EGFR: variants seen among roughly 807,000 people sequenced by gnomAD.
EGFR encodes the protein avian erythroblastic leukemia viral (v-erb-b) oncogene homolog.
A neutral mutation model predicts 143.0 loss-of-function variants in EGFR; 58 were observed. The ratio of observed to expected loss-of-function variants is 0.41; its 90% confidence interval spans 0.33 to 0.50. EGFR has a LOEUF of 0.50. Ranked by LOEUF, EGFR falls within the 20% of genes least tolerant of loss-of-function variation. The probability of loss-of-function intolerance (pLI) is 0.39; values close to 1 mark genes in which losing one functional copy is unlikely to be tolerated. For missense variants in EGFR, 1,307 were observed against 1,579.0 expected (o/e 0.83, Z 2.92); for synonymous variants, 613 against 594.4 (o/e 1.03, Z -0.45).
intron 1 of EGFR, among the ~76,000 whole-genome samples, chr7:55,061,528 G>T (rs913886488): frequency 6.6e-6 from 1 of 151,642 alleles, no homozygotes; most frequent in East Asian, 1.9e-4. Flanking sequence ...GCATTTCTTT[G>T]CTCTGATTAA....
intron 1 of EGFR, among the ~76,000 whole-genome samples, chr7:55,119,995 C>T (rs1793100805): frequency 6.6e-6 from 1 of 152,220 alleles, no homozygotes; most frequent in Non-Finnish European, 1.5e-5. Flanking sequence ...CTCATGAGTT[C>T]CTGACATACA....
rs547907277 is a variant in EGFR, at chr7:55,194,319, C to T, written c.2701+1478C>T. Among the ~76,000 whole-genome samples the T allele has an allele frequency of 2.6e-5, 4 of 151,574 alleles. No homozygotes were observed. In the South Asian group the frequency reaches 6.3e-4, roughly 24 times the overall value. On this transcript the variant is annotated intron_variant, in intron 22 of 27. Coordinates refer to ENST00000275493, the MANE Select transcript of EGFR (RefSeq NM_005228.5). ...TCGGCTCACTGCAACCTCCACCTCC[C>T]GGGTTCAAGTGATTCTCCTGCCTCA...
At chr7:55,138,431 A>G (rs1474007738) in intron 1 of EGFR, among the ~76,000 whole-genome samples, 1 of 152,236 alleles carries the variant, frequency 6.6e-6, no homozygotes, top group Non-Finnish European at 1.5e-5. Flanking sequence ...CTAGTCTTAA[A>G]TAAATATTTT....
intron 27 of EGFR, among the ~76,000 whole-genome samples, chr7:55,204,499 CCA>C (rs61296141): frequency 0.17 from 24,092 of 138,566 alleles, 2,658 homozygotes; most frequent in East Asian, 0.47. Context: ...CACAAAAACC[CCA>C]CACACACACA....
At chr7:55,108,272 G>A (rs904563211) in intron 1 of EGFR, among the ~76,000 whole-genome samples, 1 of 152,228 alleles carries the variant, frequency 6.6e-6, no homozygotes, top group African/African-American at 2.4e-5. Context: ...TCATGACTTA[G>A]AACTTATAAC....
Position 55,209,053 on chromosome 7 carries a change from T to C in EGFR, c.*3436T>C, listed in dbSNP as rs1788178231. 1 of 152,092 alleles carries C rather than the reference T, an allele frequency of 6.6e-6. No individual in the cohort carries two copies. The highest frequency in any genetic ancestry group is 2.4e-5 in the African/African-American group (1 of 41,388). 9.4% of individuals were successfully genotyped at this position (152,092 alleles called of 1,614,324 possible). Reference sequence around the variant, plus strand: ...GGCCTCTGATTGCACTTGTGTAGGATGAAGCTGGTGGGTGATGGGAACTCA... The same window carrying C: ...GGCCTCTGATTGCACTTGTGTAGGACGAAGCTGGTGGGTGATGGGAACTCA... On this transcript the variant is annotated 3_prime_UTR_variant, in exon 28 of 28. Transcript: ENST00000275493.
At chr7:55,087,167 G>A (rs1209637843) in intron 1 of EGFR, among the ~76,000 whole-genome samples, 1 of 150,894 alleles carries the variant, frequency 6.6e-6, no homozygotes, top group East Asian at 2.0e-4. Flanking sequence ...TGGCTCGGAT[G>A]CTGCATTTCC....
intron 1 of EGFR, among the ~76,000 whole-genome samples, chr7:55,041,523 T>A (rs532909477): frequency 1.3e-5 from 2 of 152,362 alleles, no homozygotes; most frequent in East Asian, 1.9e-4. Flanking sequence ...GATAAATACA[T>A]TGACTGCATG....
chr7:55,091,455 A>T (rs943202895), intron 1 of EGFR, among the ~76,000 whole-genome samples: 5 of 152,188 alleles, frequency 3.3e-5, no homozygotes, highest in African/African-American at 1.2e-4. Context: ...CGGGGGCCAC[A>T]TCTGGGTGTG....
chr7:55,130,157 T>G (rs1382904420), intron 1 of EGFR, among the ~76,000 whole-genome samples: 1 of 152,154 alleles, frequency 6.6e-6, no homozygotes, highest in Admixed American at 6.5e-5. Context: ...AGGCTCATGC[T>G]TCACTAGATT....
intron 1 of EGFR, among the ~76,000 whole-genome samples, chr7:55,139,764 C>G (rs970267912): frequency 6.6e-6 from 1 of 152,142 alleles, no homozygotes; most frequent in Non-Finnish European, 1.5e-5. Context: ...CCTCAGAATA[C>G]GTTTCCCAAA....
chr7:55,074,245 A>G (rs1790007443), intron 1 of EGFR, among the ~76,000 whole-genome samples: 1 of 152,226 alleles, frequency 6.6e-6, no homozygotes, highest in Non-Finnish European at 1.5e-5. Flanking sequence ...CTCGGGTTCG[A>G]CCATGAGTCC....
intron 27 of EGFR, among the ~76,000 whole-genome samples, chr7:55,203,577 C>CACAT (rs56394370): frequency 8.5e-5 from 12 of 141,108 alleles, no homozygotes; most frequent in South Asian, 4.6e-4. Context: ...CACACACATA[C>CACAT]GCCACACACA....
At chr7:55,025,073 G>A (rs1786804660) in intron 1 of EGFR, among the ~76,000 whole-genome samples, 1 of 152,230 alleles carries the variant, frequency 6.6e-6, no homozygotes, top group Non-Finnish European at 1.5e-5. Context: ...ATGGCAGGAA[G>A]AGAAGGAATA....
chr7:55,201,555 G>T lies in EGFR; in HGVS notation c.3115-180G>T, dbSNP rs17337486. 0.011 allele frequency among the ~76,000 whole-genome samples: 1,656 copies of T among 152,214 alleles called. 41 individuals carry two copies. Among genetic ancestry groups the T allele is most frequent in the African/African-American group, 0.038 (1,574 of 41,514 alleles). On this transcript the variant is annotated intron_variant, in intron 25 of 27. Transcript: ENST00000275493. ...CAACAACTTGATTGTAAGCCTTTTA[G>T]GTCCACTATGGAATGTAATTAAATC...
At chr7:55,165,084 A>G (rs1436748617) in intron 14 of EGFR, among the ~76,000 whole-genome samples, 196 bp from the exon 15 acceptor site, 1 of 152,246 alleles carries the variant, frequency 6.6e-6, no homozygotes, top group Non-Finnish European at 1.5e-5. Context: ...AAAAACAGGG[A>G]GAACTTCTAA....
chr7:55,049,923 A>C (rs928668282), intron 1 of EGFR, among the ~76,000 whole-genome samples: 1 of 152,102 alleles, frequency 6.6e-6, no homozygotes, highest in Non-Finnish European at 1.5e-5. Context: ...ATTGTCTTCC[A>C]AAACACACAT....
intron 27 of EGFR, chr7:55,202,941 A>G (rs56196940): frequency 3.3e-6 from 2 of 614,192 alleles, no homozygotes; most frequent in South Asian, 3.8e-5. Context: ...ACATCTGTGT[A>G]TGTGTGTGTG....
At chr7:55,021,048 G>GTTA (rs997899035) in intron 1 of EGFR, among the ~76,000 whole-genome samples, 1 of 152,130 alleles carries the variant, frequency 6.6e-6, no homozygotes, top group African/African-American at 2.4e-5. Flanking sequence ...AAGAAGGATT[G>GTTA]TTAAAGTCTC....
Sources: allele counts gnomAD v4.1 joint callset (sites outside exome capture counted in the v4.1 genomes callset), GRCh38; gene constraint gnomAD v4.1.1; transcripts MANE v1.5; gene names NCBI Gene and HGNC (gene_info 2026-07-23, HGNC 2026-07-21).